The following SASH1 variants were observed in gnomAD, a reference collection of about 807,000 sequenced individuals.
SASH1 encodes SAM and SH3 domain-containing protein 1.
In SASH1, 44 loss-of-function variants were observed where a neutral mutation model predicts 125.2. The observed-to-expected ratio is 0.35, with a 90% CI of 0.28 to 0.45. The LOEUF is 0.45. Ranked by LOEUF, SASH1 falls within the 20% of genes least tolerant of loss-of-function variation. The pLI is 1.00. For synonymous variants in SASH1, 639 were observed against 649.1 expected (o/e 0.98, Z 0.24); for missense variants, 1,426 against 1,614.5 (o/e 0.88, Z 2.00).
At chr6:148,456,698 A>G (rs1054800927) in intron 4 of SASH1, among the ~76,000 whole-genome samples, 10 of 151,810 alleles carry the variant, frequency 6.6e-5, no homozygotes, top group Non-Finnish European at 1.3e-4. Flanking sequence ...CTGTCTCTAC[A>G]AAAACAAACA....
intron 4 of SASH1, among the ~76,000 whole-genome samples, chr6:148,461,818 A>G (rs989708804): frequency 7.2e-5 from 11 of 152,226 alleles, no homozygotes; most frequent in Non-Finnish European, 1.3e-4. Context: ...TACCCAAAGG[A>G]TAGAAAGAAA....
chr6:148,447,588 G>A (rs1240810852), intron 4 of SASH1, among the ~76,000 whole-genome samples: 4 of 152,026 alleles, frequency 2.6e-5, no homozygotes, highest in African/African-American at 4.8e-5. Flanking sequence ...TTGATTGCTT[G>A]CACCACTGAT....
At position 148,420,742 on chromosome 6, in the gene SASH1, TC is replaced by T. The variant is rs1785024085; in HGVS notation, c.286-19437del. On this transcript the variant is annotated intron_variant, in intron 2 of 19. Transcript: ENST00000367467. Reference sequence around the variant, plus strand: ...GTCTTTGAGTATACCATAATTTGTGTCCCCCAGTTTGAACTATTTAGGCAAT... The same window carrying T: ...GTCTTTGAGTATACCATAATTTGTGTCCCCAGTTTGAACTATTTAGGCAAT... 2.0e-5 allele frequency among the ~76,000 whole-genome samples: 3 copies of T among 152,214 alleles called. No individual in the cohort carries two copies. In the East Asian group the frequency reaches 5.8e-4, roughly 29 times the overall value.
intron 1 of SASH1, among the ~76,000 whole-genome samples, chr6:148,320,837 C>T (rs1349943996): frequency 1.3e-5 from 2 of 152,198 alleles, no homozygotes; most frequent in African/African-American, 4.8e-5. Flanking sequence ...CACTTAATGT[C>T]ATTTTATGTC....
chr6:148,405,926 A>T lies in SASH1; in HGVS notation c.285+15664A>T, dbSNP rs140406062. ...AAGTGCAACTTGTTACTTAGGAAAA[A>T]AAATCAGAAATCGACAGTGTAATCT... On this transcript the variant is annotated intron_variant, in intron 2 of 19. Transcript: ENST00000367467. Among the ~76,000 whole-genome samples, 259 of 152,326 alleles carry T rather than the reference A, an allele frequency of 1.7e-3. 3 individuals carry two copies. Among genetic ancestry groups the T allele is most frequent in the African/African-American group, 5.9e-3 (247 of 41,568 alleles).
At chr6:148,281,036 G>A (rs990225975) in intron 1 of SASH1, among the ~76,000 whole-genome samples, 18 of 151,298 alleles carry the variant, frequency 1.2e-4, no homozygotes, top group African/African-American at 1.9e-4. Flanking sequence ...TCCACCTCCC[G>A]GGTTCAAGCA....
intron 8 of SASH1, chr6:148,512,637 A>G: frequency 1.0e-6 from 1 of 983,266 alleles, no homozygotes; most frequent in Non-Finnish European, 1.2e-6. Flanking sequence ...AATTTTTTAT[A>G]TTTTTAGTTT....
Position 148,349,915 on chromosome 6 carries a change from G to A in SASH1, c.156+6692G>A, listed in dbSNP as rs148803668. ...GGCTGGAGTACAGTGGTGTGATCTC[G>A]ACTCGCTGCAAGCTCCTCCTCCCGG... is the stretch of plus-strand genomic sequence containing the variant. On this transcript the variant is annotated intron_variant, in intron 1 of 19. Coordinates refer to ENST00000367467, the MANE Select transcript of SASH1 (RefSeq NM_015278.5). 3.0e-3 allele frequency among the ~76,000 whole-genome samples: 455 copies of A among 150,348 alleles called. 2 individuals carry two copies. Among genetic ancestry groups the A allele is most frequent in the African/African-American group, 0.011 (441 of 40,662 alleles).
At chr6:148,337,807 A>G (rs1781205003) in intron 1 of SASH1, among the ~76,000 whole-genome samples, 1 of 152,248 alleles carries the variant, frequency 6.6e-6, no homozygotes, top group Non-Finnish European at 1.5e-5. Context: ...CTAAATTATC[A>G]ACATTCTTAA....
At chr6:148,446,593 G>A (rs1199134453) in intron 4 of SASH1, among the ~76,000 whole-genome samples, 1 of 152,114 alleles carries the variant, frequency 6.6e-6, no homozygotes, top group African/African-American at 2.4e-5. Flanking sequence ...CCAACTGTAG[G>A]GAGGGCCACC....
rs549122932 is a variant in SASH1 at position 148,473,346 on chromosome 6, G to A, written c.515-764G>A. 2.1e-3 allele frequency among the ~76,000 whole-genome samples: 321 copies of A among 151,436 alleles called. 1 individual carries two copies. The highest frequency in any genetic ancestry group is 6.6e-3 in the African/African-American group (273 of 41,486). On this transcript the variant is annotated intron_variant, in intron 6 of 19. Transcript: ENST00000367467. ...TGGCTCACTGCAACCTTCACCTCCCGGGTTCAAAGCAATTCTCCTGCTTCA... is the reference window on the plus strand; with the variant it reads ...TGGCTCACTGCAACCTTCACCTCCCAGGTTCAAAGCAATTCTCCTGCTTCA...
chr6:148,323,566 G>A (rs6917556), intron 1 of SASH1, among the ~76,000 whole-genome samples: 6,396 of 152,234 alleles, frequency 0.042, 233 homozygotes, highest in South Asian at 0.15. Context: ...AGACTCCATG[G>A]CCCCTCCCTT....
the SASH1 span, among the ~76,000 whole-genome samples, chr6:148,210,075 G>A: frequency 6.6e-6 from 1 of 152,186 alleles, no homozygotes; most frequent in African/African-American, 2.4e-5. Flanking sequence ...CATCAGCACT[G>A]AAAAGGGCCT....
chr6:148,487,524 A>T (rs1016488316), intron 7 of SASH1, 90 bp from the exon 8 acceptor site: 4 of 887,940 alleles, frequency 4.5e-6, no homozygotes, highest in Non-Finnish European at 7.2e-6. Context: ...CCAGGAACCT[A>T]GATGTATTAT....
In SASH1 at chr6:148,540,438, T is replaced by G. The variant is rs759717113; in HGVS notation, c.2096-5T>G. On this transcript the variant is annotated splice_region_variant and splice_polypyrimidine_tract_variant and intron_variant, in intron 16 of 19. Coordinates refer to ENST00000367467, the MANE Select transcript of SASH1 (RefSeq NM_015278.5). Reference sequence around the variant, plus strand: ...GTTGATTTCATGCCGTGTTCTCTCCTCTAGGTAACAGCGACCAGTCAGGAT... The same window carrying G: ...GTTGATTTCATGCCGTGTTCTCTCCGCTAGGTAACAGCGACCAGTCAGGAT... The G allele has an allele frequency of 6.2e-7, 1 of 1,612,274 alleles. No individual in the cohort carries two copies. Among genetic ancestry groups the G allele is most frequent in the South Asian group, 1.1e-5 (1 of 90,934 alleles).
chr6:148,384,804 G>C (rs554908550), intron 1 of SASH1, among the ~76,000 whole-genome samples: 1 of 152,142 alleles, frequency 6.6e-6, no homozygotes, highest in Admixed American at 6.5e-5. Flanking sequence ...CGATGAGTTT[G>C]GGAATAAGTA....
chr6:148,302,845 C>T (rs867430876), intron 1 of SASH1, among the ~76,000 whole-genome samples: 75 of 124,220 alleles, frequency 6.0e-4, no homozygotes, highest in Non-Finnish European at 1.2e-3. Flanking sequence ...TATATATATA[C>T]ACACACACAC....
chr6:148,263,631 T>A, the SASH1 span, among the ~76,000 whole-genome samples: 1 of 152,348 alleles, frequency 6.6e-6, no homozygotes, highest in Admixed American at 6.5e-5. Context: ...AGCGTCTGTC[T>A]GCATTTCCAT....
the SASH1 span, among the ~76,000 whole-genome samples, chr6:148,243,070 C>T: frequency 6.6e-6 from 1 of 152,042 alleles, no homozygotes; most frequent in African/African-American, 2.4e-5. Flanking sequence ...AATCCCAGCA[C>T]TTTGGGAGGC....
Sources: gnomAD v4.1 joint callset for allele counts (sites outside exome capture counted in the v4.1 genomes callset) on GRCh38, gnomAD v4.1.1 for gene constraint, MANE v1.5 for transcripts, NCBI Gene and HGNC (gene_info 2026-07-23, HGNC 2026-07-21) for gene names.